Variants in ADAMTS19 observed in about 807,000 individuals in gnomAD.
ADAMTS19 encodes ADAM metallopeptidase with thrombospondin type 1 motif 19.
Under a neutral mutation model 153.3 loss-of-function variants are expected in ADAMTS19, and 93 were observed. That is an observed-to-expected ratio of 0.61 (90% confidence interval 0.51 to 0.72). The LOEUF is 0.72. Among genes scored for constraint, ADAMTS19 ranks in the 30% least tolerant of loss-of-function variants. The pLI is 0.00. For missense variants in ADAMTS19, 1,482 were observed against 1,552.1 expected (o/e 0.95, Z 0.76); for synonymous variants, 600 against 556.6 (o/e 1.08, Z -1.10).
At chr5:129,469,347 CA>C (rs1749985342) in intron 2 of ADAMTS19, among the ~76,000 whole-genome samples, 1 of 152,036 alleles carries the variant, frequency 6.6e-6, no homozygotes, top group Non-Finnish European at 1.5e-5. Flanking sequence ...CAAATTTTCT[CA>C]AACATCTTTT....
At chr5:129,594,952 C>G (rs565081144) in intron 7 of ADAMTS19, among the ~76,000 whole-genome samples, 1 of 152,050 alleles carries the variant, frequency 6.6e-6, no homozygotes, top group African/African-American at 2.4e-5. Context: ...ACCTAACCAC[C>G]CATTCATTAA....
intron 3 of ADAMTS19, among the ~76,000 whole-genome samples, chr5:129,516,319 A>T (rs1751605738): frequency 6.8e-6 from 1 of 146,830 alleles, no homozygotes; most frequent in South Asian, 2.2e-4. Context: ...TCCTAGAATG[A>T]CTTTGGAAGT....
chr5:129,516,410 G>A (rs1751609910), intron 3 of ADAMTS19, among the ~76,000 whole-genome samples: 1 of 151,584 alleles, frequency 6.6e-6, no homozygotes, highest in East Asian at 1.9e-4. Context: ...ACAGAATTCA[G>A]CAGTGAAGCC....
At chr5:129,592,259 A>G (rs1750170034) in intron 7 of ADAMTS19, among the ~76,000 whole-genome samples, 1 of 151,848 alleles carries the variant, frequency 6.6e-6, no homozygotes, top group African/African-American at 2.4e-5. Flanking sequence ...AGGTGCCTGT[A>G]ATCCCAGCTA....
At chr5:129,544,167 T>G (rs1480263125) in intron 6 of ADAMTS19, among the ~76,000 whole-genome samples, 2 of 152,162 alleles carry the variant, frequency 1.3e-5, no homozygotes, top group African/African-American at 4.8e-5. Context: ...GCAACAAATA[T>G]TTTTTTCTAT....
intron 7 of ADAMTS19, among the ~76,000 whole-genome samples, chr5:129,578,092 ACATACATATACATATG>A (rs1561580870): frequency 9.5e-5 from 4 of 41,962 alleles, no homozygotes; most frequent in South Asian, 1.1e-3. Context: ...ATATACATAT[ACATACATATACATATG>A]CATGTATATG....
intron 2 of ADAMTS19, among the ~76,000 whole-genome samples, chr5:129,470,816 A>G (rs1198515158): frequency 1.3e-5 from 2 of 152,218 alleles, no homozygotes; most frequent in Non-Finnish European, 2.9e-5. Flanking sequence ...GGGCATTACC[A>G]AATGCTTCTG....
At chr5:129,691,911 A>G (rs999193026) in intron 18 of ADAMTS19, among the ~76,000 whole-genome samples, 1 of 152,166 alleles carries the variant, frequency 6.6e-6, no homozygotes, top group African/African-American at 2.4e-5. Flanking sequence ...AGGATGGGGA[A>G]AAAAGCATTA....
At chr5:129,666,167 CA>C (rs1339707297) in intron 16 of ADAMTS19, among the ~76,000 whole-genome samples, 1 of 151,452 alleles carries the variant, frequency 6.6e-6, no homozygotes, top group African/African-American at 2.4e-5. Flanking sequence ...AGTACTGTAT[CA>C]GTTATTTTAA....
At position 129,737,472 on chromosome 5, in the gene ADAMTS19, G is replaced by T. The variant is rs1394421461; in HGVS notation, c.*254G>T. ...TCCAGTAATATAATAAAAAGAAAAA[G>T]GAAAAAAATAGATCATTATACTTAA... On this transcript the variant is annotated 3_prime_UTR_variant, in exon 23 of 23. Coordinates refer to ENST00000274487, the MANE Select transcript of ADAMTS19 (RefSeq NM_133638.6). The T allele has an allele frequency of 2.4e-5, 6 of 247,230 alleles. No homozygotes were observed. Among genetic ancestry groups the T allele is most frequent in the Non-Finnish European group, 4.5e-5 (6 of 132,626 alleles). The allele number at this position is 247,230 out of a possible 1,614,324, so 15.3% of individuals were successfully genotyped here. A position where few individuals can be genotyped will look rare whatever the true frequency, so the allele number is the denominator to read the frequency against.
chr5:129,622,439 A>T (rs1751822449), intron 10 of ADAMTS19, 91 bp downstream of exon 10: 1 of 1,414,438 alleles, frequency 7.1e-7, no homozygotes, highest in Non-Finnish European at 9.6e-7. Flanking sequence ...GGGTTTGTGG[A>T]TCAAAAGCAC....
intron 7 of ADAMTS19, among the ~76,000 whole-genome samples, chr5:129,580,444 G>A (rs1315178306): frequency 6.6e-6 from 1 of 152,084 alleles, no homozygotes; most frequent in Non-Finnish European, 1.5e-5. Flanking sequence ...TTGCCTGACT[G>A]CCCTGGCCAG....
chr5:129,597,774 C>T (rs1330794985), intron 8 of ADAMTS19, among the ~76,000 whole-genome samples: 4 of 151,840 alleles, frequency 2.6e-5, no homozygotes, highest in South Asian at 2.1e-4. Context: ...TGGTGGTACG[C>T]GCCTGTAGTC....
chr5:129,529,838 G>T (rs1473693442), intron 6 of ADAMTS19, among the ~76,000 whole-genome samples: 1 of 152,108 alleles, frequency 6.6e-6, no homozygotes, highest in African/African-American at 2.4e-5. Context: ...TTTACCATAG[G>T]ATTGCTGCTA....
intron 10 of ADAMTS19, among the ~76,000 whole-genome samples, chr5:129,630,294 A>G (rs892021880): frequency 2.6e-5 from 4 of 152,138 alleles, no homozygotes; most frequent in Admixed American, 2.0e-4. Flanking sequence ...TTCCAGAGGC[A>G]ACAAGAATTT....
At chr5:129,545,089 T>C (rs897762373) in intron 6 of ADAMTS19, among the ~76,000 whole-genome samples, 2 of 151,922 alleles carry the variant, frequency 1.3e-5, no homozygotes, top group African/African-American at 4.8e-5. Flanking sequence ...CAGAGGCATA[T>C]TAAAGAAAAA....
At chr5:129,487,827 A>G (rs1435654886) in intron 2 of ADAMTS19, among the ~76,000 whole-genome samples, 1 of 152,114 alleles carries the variant, frequency 6.6e-6, no homozygotes, top group Non-Finnish European at 1.5e-5. Context: ...TCAGCAAAAC[A>G]TATGTCTTCA....
chr5:129,518,778 C>A (rs1751694488), intron 3 of ADAMTS19, among the ~76,000 whole-genome samples: 1 of 149,196 alleles, frequency 6.7e-6, no homozygotes, highest in Non-Finnish European at 1.5e-5. Flanking sequence ...AACTTTCTAC[C>A]TTTATCTCTT....
intron 3 of ADAMTS19, among the ~76,000 whole-genome samples, chr5:129,518,081 C>T (rs1223500968): frequency 6.6e-6 from 1 of 152,012 alleles, no homozygotes; most frequent in Non-Finnish European, 1.5e-5. Context: ...CCAACAAAAA[C>T]TCTCTGCCTT....
Sources: gnomAD v4.1 joint callset for allele counts (sites outside exome capture counted in the v4.1 genomes callset) on GRCh38, gnomAD v4.1.1 for gene constraint, MANE v1.5 for transcripts, NCBI Gene and HGNC (gene_info 2026-07-23, HGNC 2026-07-21) for gene names.